Variants in TGM1 observed in about 807,000 individuals in gnomAD.
TGM1 encodes transglutaminase 1.
A neutral mutation model predicts 88.7 loss-of-function variants in TGM1; 63 were observed. The ratio of observed to expected loss-of-function variants is 0.71; its 90% CI spans 0.58 to 0.88. The LOEUF is 0.88. Among genes scored for constraint, TGM1 ranks in the 40% least tolerant of loss-of-function variants. The probability of loss-of-function intolerance (pLI) is 0.00; values close to 1 mark genes in which losing one functional copy is unlikely to be tolerated. For synonymous variants in TGM1, 415 were observed against 431.1 expected (o/e 0.96, Z 0.46); for missense variants, 996 against 1,118.0 (o/e 0.89, Z 1.56).
Position 24,259,982 on chromosome 14 carries a change from C to A in TGM1, c.834G>T (p.Gly278=). 2 of 1,614,198 alleles carry A rather than the reference C, an allele frequency of 1.2e-6. No homozygotes were observed. The highest frequency in any genetic ancestry group is 1.7e-6 in the Non-Finnish European group (2 of 1,180,026). ...VLNESGRIYY[G]TEAQIGERTW... ...TCCGCTCACCAATCTGTGCTTCGGTCCCGTAGTAAATTCTCCCAGACTCAT... is the reference window on the plus strand; with the variant it reads ...TCCGCTCACCAATCTGTGCTTCGGTACCGTAGTAAATTCTCCCAGACTCAT... The change falls in exon 5 of 15, where the codon GGG becomes GGT. Residue 278 remains glycine, a synonymous_variant. Coordinates refer to ENST00000206765, the MANE Select transcript of TGM1 (RefSeq NM_000359.3). The surrounding 1 kb of genome is among the most constrained non-coding windows in gnomAD (Gnocchi z 5.7).
intron 14 of TGM1, 45 bp from the exon 15 acceptor site, chr14:24,249,586 G>T: frequency 6.4e-7 from 1 of 1,550,504 alleles, no homozygotes; most frequent in South Asian, 1.1e-5. Context: ...ATTGGGGGTG[G>T]AGTGGGGAGT....
Position 24,259,129 on chromosome 14 carries a change from C to T in TGM1, c.1105G>A (p.Gly369Arg). 6.2e-7 allele frequency: 1 copy of T among 1,614,134 alleles called. No individual in the cohort carries two copies. Among genetic ancestry groups the T allele is most frequent in the Non-Finnish European group, 8.5e-7 (1 of 1,180,008 alleles). The change falls in exon 7 of 15, where the codon GGA becomes AGA. Residue 369 changes from glycine (G) to arginine (R), a missense_variant. Gly to Arg is a moderately radical substitution (Grantham distance 125, BLOSUM62 -2). Transcript: ENST00000206765. This position sits in a 1 kb window ranked among gnomAD's most constrained non-coding sequence, Gnocchi z 5.7. ...CACTGGCCATAGGGGACGGAATATC[C>T]CGTGCGTAGGTAGCTAAGCAGGATC... Reference protein sequence around the residue: ...VEILLSYLRTGYSVPYGQCWV... With the variant: ...VEILLSYLRTRYSVPYGQCWV...
rs960120807 is a variant in TGM1, at chr14:24,254,220, G to A, written c.2157C>T (p.Val719=). The change falls in exon 14 of 15, where the codon GTC becomes GTT. Residue 719 remains valine, a synonymous_variant. Coordinates refer to ENST00000206765, the MANE Select transcript of TGM1 (RefSeq NM_000359.3). ...VQIVFKNPLP[V]TLTNVVFRLE... The stretch of plus-strand genomic sequence containing the variant: ...GCCGGAAGACGACATTGGTGAGGGT[G>A]ACGGGAAGGGGGTTCTTGAAGACAA... 1.2e-6 allele frequency: 2 copies of A among 1,613,942 alleles called. No homozygotes were observed. Among genetic ancestry groups the A allele is most frequent in the African/African-American group, 2.7e-5 (2 of 74,892 alleles).
In TGM1 at chr14:24,256,537, C is replaced by T. The variant is rs533384371; in HGVS notation, c.1403-460G>A. 8.1e-4 allele frequency among the ~76,000 whole-genome samples: 123 copies of T among 152,328 alleles called. 1 individual carries two copies. Among genetic ancestry groups the T allele is most frequent in the Admixed American group, 2.9e-3 (44 of 15,296 alleles). On this transcript the variant is annotated intron_variant, in intron 9 of 14. Transcript: ENST00000206765. ...CTGGCTGGGAGAGCGAGGACACCAC[C>T]GCCACCACCATTCCAGAGAGATGCG...
chr14:24,260,670 C>T lies in TGM1; in HGVS notation c.537G>A (p.Thr179=), dbSNP rs757301708. Residue 179 remains threonine (T), a synonymous_variant, in exon 4 of 15, where the codon ACG becomes ACA. Transcript: ENST00000206765. ...CCTTGCCCACTGGGATGATCACGTG[C>T]GTGCCCTTGCCCACCTCGGGGTTGT... ...IGNNPEVGKG[T]HVIIPVGKGG... 18 of 1,613,996 alleles carry T rather than the reference C, an allele frequency of 1.1e-5. No individual in the cohort carries two copies. Among genetic ancestry groups the T allele is most frequent in the African/African-American group, 4.0e-5 (3 of 74,924 alleles).
At chr14:24,258,136 G>C (rs796917368) in intron 9 of TGM1, 149 bp downstream of exon 9, 17 of 623,044 alleles carry the variant, frequency 2.7e-5, no homozygotes, top group South Asian at 1.4e-4. Flanking sequence ...TAACATCCAC[G>C]TGGTGGTTCA....
chr14:24,259,333 C>G lies in TGM1; in HGVS notation c.985-84G>C, dbSNP rs544224249. On this transcript the variant is annotated intron_variant, in intron 6 of 14. Transcript: ENST00000206765. The surrounding 1 kb of genome is among the most constrained non-coding windows in gnomAD (Gnocchi z 5.7). ...TGGTCCATGGGGACCAGCCGGGCCC[C>G]GATCCTGCAACCACCCCTTACCCCT... is the stretch of plus-strand genomic sequence containing the variant. 1 of 1,372,696 alleles carries G rather than the reference C, an allele frequency of 7.3e-7. No homozygotes were observed. Among genetic ancestry groups the G allele is most frequent in the Admixed American group, 2.0e-5 (1 of 51,056 alleles). 85.0% of individuals were successfully genotyped at this position (1,372,696 alleles called of 1,614,324 possible).
intron 1 of TGM1, among the ~76,000 whole-genome samples, chr14:24,262,609 G>C (rs1221033121): frequency 6.6e-6 from 1 of 152,110 alleles, no homozygotes; most frequent in Non-Finnish European, 1.5e-5. Context: ...GCCCAATGAA[G>C]AAACCCACTC....
rs910301083 is a variant in TGM1 at position 24,254,625 on chromosome 14, T to C, written c.2088+39A>G. The C allele has an allele frequency of 5.0e-6, 8 of 1,613,162 alleles. No individual in the cohort carries two copies. In the African/African-American group the frequency reaches 5.3e-5, roughly 11 times the overall value. ...GATGTCCTTATCCCCTGGCCTTCAC[T>C]CTCTGACCACCCCTCATGCCCCAGC... On this transcript the variant is annotated intron_variant, in intron 13 of 14. Coordinates refer to ENST00000206765, the MANE Select transcript of TGM1 (RefSeq NM_000359.3).
rs1332120812 is a variant in TGM1 at position 24,259,749 on chromosome 14, T to G, written c.939A>C (p.Gly313=). 1 of 1,612,352 alleles carries G rather than the reference T, an allele frequency of 6.2e-7. No individual in the cohort carries two copies. The highest frequency in any genetic ancestry group is 1.7e-5 in the Admixed American group (1 of 59,888). ...YILDRRGMPY[G]GRGDPVNVSR... ...AGACATTGACTGGGTCTCCACGGCC[T>G]CCATATGGCATCCCCCGCCGGTCCA... is the stretch of plus-strand genomic sequence containing the variant. The change falls in exon 6 of 15, where the codon GGA becomes GGC. Residue 313 remains glycine (G), a synonymous_variant. Coordinates refer to ENST00000206765, the MANE Select transcript of TGM1 (RefSeq NM_000359.3). This position sits in a 1 kb window ranked among gnomAD's most constrained non-coding sequence, Gnocchi z 5.7.
chr14:24,262,010 C>A, intron 2 of TGM1, 24 bp downstream of exon 2: 1 of 1,613,014 alleles, frequency 6.2e-7, no homozygotes, highest in Non-Finnish European at 8.5e-7. Context: ...TAGCTCTCAG[C>A]TGAGGAGGAC....
At chr14:24,258,450 CA>C in intron 8 of TGM1, 62 bp from the exon 9 acceptor site, 2 of 1,611,950 alleles carry the variant, frequency 1.2e-6, no homozygotes, top group Non-Finnish European at 1.7e-6. Flanking sequence ...TCAGTTTCCC[CA>C]GCCTCCCCAG....
chr14:24,256,176 T>A, intron 9 of TGM1, 99 bp from the exon 10 acceptor site: 1 of 986,156 alleles, frequency 1.0e-6, no homozygotes, highest in Non-Finnish European at 1.6e-6. Context: ...CCCCACCCAC[T>A]CAGGCCCGGT....
intron 1 of TGM1, among the ~76,000 whole-genome samples, chr14:24,262,717 T>A (rs372949061): frequency 2.6e-5 from 4 of 152,350 alleles, no homozygotes; most frequent in African/African-American, 9.6e-5. Flanking sequence ...CCAGCATCCC[T>A]GGGCCTGGTC....
rs1221667192 is a variant in TGM1 at position 24,259,173 on chromosome 14, G to A, written c.1061C>T (p.Ala354Val). The change falls in exon 7 of 15, where the codon GCG becomes GTG. Residue 354 changes from alanine to valine, a missense_variant. Ala to Val is a moderately conservative substitution (Grantham distance 64, BLOSUM62 0). Coordinates refer to ENST00000206765, the MANE Select transcript of TGM1 (RefSeq NM_000359.3). The surrounding 1 kb of genome is among the most constrained non-coding windows in gnomAD (Gnocchi z 5.7). ...GDYSRGTNPS[A>V]WVGSVEILLS... ...CAGGATCTCCACGCTGCCCACCCAC[G>A]CTGATGGGTTGGTGCCTCGGGAGTA... 2.5e-6 allele frequency: 4 copies of A among 1,613,880 alleles called. No homozygotes were observed. Among genetic ancestry groups the A allele is most frequent in the Non-Finnish European group, 3.4e-6 (4 of 1,179,904 alleles).
In TGM1 at chr14:24,259,334, G is replaced by T; in HGVS notation, c.985-85C>A. The T allele has an allele frequency of 2.2e-6, 3 of 1,350,032 alleles. No individual in the cohort carries two copies. Among genetic ancestry groups the T allele is most frequent in the Non-Finnish European group, 2.1e-6 (2 of 966,768 alleles). 83.6% of individuals were successfully genotyped at this position (1,350,032 alleles called of 1,614,324 possible). ...GGTCCATGGGGACCAGCCGGGCCCC[G>T]ATCCTGCAACCACCCCTTACCCCTA... On this transcript the variant is annotated intron_variant, in intron 6 of 14. Coordinates refer to ENST00000206765, the MANE Select transcript of TGM1 (RefSeq NM_000359.3). The surrounding 1 kb of genome is among the most constrained non-coding windows in gnomAD (Gnocchi z 5.7).
chr14:24,254,002 C>G, intron 14 of TGM1, 150 bp downstream of exon 14: 1 of 1,057,950 alleles, frequency 9.5e-7, no homozygotes, highest in Non-Finnish European at 1.4e-6. Context: ...TGAGCTGGGC[C>G]GGGAGGTATT....
intron 12 of TGM1, 47 bp downstream of exon 12, chr14:24,254,925 G>A (rs747540836): frequency 8.7e-6 from 14 of 1,612,988 alleles, no homozygotes; most frequent in Admixed American, 1.7e-5. Flanking sequence ...CCACAGCCCT[G>A]AGGTGCCCAG....
chr14:24,258,824 G>C, intron 7 of TGM1, 151 bp from the exon 8 acceptor site: 1 of 1,270,444 alleles, frequency 7.9e-7, no homozygotes. Context: ...AGGCCTTTGG[G>C]CTACAGAGCA....
Sources: allele counts gnomAD v4.1 joint callset (sites outside exome capture counted in the v4.1 genomes callset), GRCh38; gene constraint gnomAD v4.1.1; non-coding constraint Gnocchi (gnomAD v3.1); transcripts MANE v1.5; gene names NCBI Gene and HGNC (gene_info 2026-07-23, HGNC 2026-07-21).